LRPPRC: variants seen among roughly 807,000 people sequenced by gnomAD.
LRPPRC encodes the protein leucine rich pentatricopeptide repeat containing, also known as leucine-rich PPR motif-containing protein, mitochondrial.
Under a neutral mutation model 180.3 loss-of-function variants are expected in LRPPRC, and 120 were observed. That is an observed-to-expected ratio of 0.67 (90% confidence interval 0.57 to 0.77). The LOEUF (loss-of-function observed/expected upper bound fraction) is 0.77, where lower values mean the gene tolerates loss of function less well. LRPPRC is among the 30% of genes least tolerant of loss of function. The pLI is 0.00. For missense variants in LRPPRC, 2,012 were observed against 1,657.2 expected, an observed-to-expected ratio of 1.21 and a Z score of -3.72; for synonymous variants, 723 against 600.0, an observed-to-expected ratio of 1.21 and a Z score of -3.00.
At chr2:43,990,284 T>C (rs986910429) in intron 1 of LRPPRC, among the ~76,000 whole-genome samples, 3 of 152,158 alleles carry the variant, frequency 2.0e-5, no homozygotes, top group Non-Finnish European at 2.9e-5. Flanking sequence ...TCCCCAAATC[T>C]ACTTTTCTTA....
chr2:43,927,432 C>A (rs1371063471), intron 25 of LRPPRC, among the ~76,000 whole-genome samples: 1 of 152,206 alleles, frequency 6.6e-6, no homozygotes, highest in East Asian at 1.9e-4. Flanking sequence ...TTTTGGGATA[C>A]AAGAAATCAA....
intron 29 of LRPPRC, among the ~76,000 whole-genome samples, chr2:43,917,104 G>A (rs1176242636): frequency 1.0e-4 from 15 of 144,678 alleles, no homozygotes; most frequent in African/African-American, 1.5e-4. Flanking sequence ...GCAGTGGTGC[G>A]ATCTCGGCTC....
chr2:43,894,905 C>T (rs966372272), intron 35 of LRPPRC, among the ~76,000 whole-genome samples: 32 of 152,128 alleles, frequency 2.1e-4, no homozygotes, highest in African/African-American at 7.5e-4. Context: ...CTTCTTTTGT[C>T]AAGTGGTGAC....
At chr2:43,961,293 G>C (rs1346685616) in intron 12 of LRPPRC, among the ~76,000 whole-genome samples, 5 of 152,134 alleles carry the variant, frequency 3.3e-5, no homozygotes, top group Non-Finnish European at 5.9e-5. Context: ...TCTCTAGTAA[G>C]CCAGAAACAG....
intron 1 of LRPPRC, among the ~76,000 whole-genome samples, chr2:43,992,076 T>C (rs1035428838): frequency 2.6e-5 from 4 of 152,080 alleles, no homozygotes; most frequent in African/African-American, 9.7e-5. Context: ...AGAGTGTTGG[T>C]GAGTGCACGT....
chr2:43,965,877 G>A (rs895780452), intron 11 of LRPPRC, among the ~76,000 whole-genome samples: 3 of 152,160 alleles, frequency 2.0e-5, no homozygotes, highest in African/African-American at 7.2e-5. Flanking sequence ...ACAGTGGTGA[G>A]GATGGAGAGA....
At chr2:43,958,186 A>T (rs1190418671) in intron 13 of LRPPRC, among the ~76,000 whole-genome samples, 3 of 152,220 alleles carry the variant, frequency 2.0e-5, no homozygotes, top group Non-Finnish European at 4.4e-5. Context: ...ATGAGATCAC[A>T]GTAGGCATTC....
At chr2:43,905,959 T>G (rs568609997) in intron 30 of LRPPRC, among the ~76,000 whole-genome samples, 179 bp from the exon 31 acceptor site, 1 of 152,220 alleles carries the variant, frequency 6.6e-6, no homozygotes, top group Non-Finnish European at 1.5e-5. Flanking sequence ...AAGGATAATT[T>G]TTTTTTGCAT....
intron 1 of LRPPRC, among the ~76,000 whole-genome samples, chr2:43,991,528 T>C (rs1341528470): frequency 6.6e-6 from 1 of 152,180 alleles, no homozygotes; most frequent in East Asian, 1.9e-4. Context: ...CTCTGAAGTA[T>C]ACAAGTATTA....
chr2:43,913,569 A>G (rs972096790), intron 29 of LRPPRC, among the ~76,000 whole-genome samples: 3 of 152,182 alleles, frequency 2.0e-5, no homozygotes, highest in Non-Finnish European at 2.9e-5. Context: ...ATTAAACTTA[A>G]GTGGCACTGT....
rs115771517 is a variant in LRPPRC at position 43,935,182 on chromosome 2, G to A, written c.2505-304C>T. 0.016 allele frequency among the ~76,000 whole-genome samples: 2,369 copies of A among 152,266 alleles called. 33 individuals carry two copies. The highest frequency in any genetic ancestry group is 0.027 in the Middle Eastern group (8 of 294). The stretch of plus-strand genomic sequence containing the variant: ...GATTAAGGCATTCTCTGATTTTACT[G>A]TAAATTCTGACTTTATGTAGAAAGT... On this transcript the variant is annotated intron_variant, in intron 23 of 37. Transcript: ENST00000260665.
chr2:43,987,220 C>G (rs1480251867), intron 1 of LRPPRC, among the ~76,000 whole-genome samples: 1 of 152,126 alleles, frequency 6.6e-6, no homozygotes, highest in East Asian at 1.9e-4. Context: ...ATGAGCCGGA[C>G]GCGGTGGCTC....
intron 36 of LRPPRC, among the ~76,000 whole-genome samples, chr2:43,893,534 A>C (rs1482818430): frequency 6.6e-6 from 1 of 152,228 alleles, no homozygotes; most frequent in Non-Finnish European, 1.5e-5. Context: ...ATGATCGTTA[A>C]CTATTTTTAG....
intron 27 of LRPPRC, among the ~76,000 whole-genome samples, chr2:43,919,961 A>C (rs1238550072): frequency 6.6e-6 from 1 of 151,860 alleles, no homozygotes; most frequent in Non-Finnish European, 1.5e-5. Context: ...GGATTTTCCT[A>C]GATTATTCTC....
At chr2:43,957,345 T>TC in intron 14 of LRPPRC, 40 bp downstream of exon 14, 1 of 1,387,138 alleles carries the variant, frequency 7.2e-7, no homozygotes, top group Admixed American at 1.7e-5. Flanking sequence ...GAGAAATCAG[T>TC]CCATGTTCAG....
intron 22 of LRPPRC, among the ~76,000 whole-genome samples, chr2:43,944,673 C>A (rs1055994560): frequency 5.3e-5 from 8 of 151,554 alleles, no homozygotes; most frequent in African/African-American, 1.7e-4. Context: ...AAGAGGAAGG[C>A]TAAAAAGGAA....
At chr2:43,988,792 C>T (rs1270667135) in intron 1 of LRPPRC, among the ~76,000 whole-genome samples, 1 of 152,094 alleles carries the variant, frequency 6.6e-6, no homozygotes, top group Non-Finnish European at 1.5e-5. Context: ...ATCCGCCCGC[C>T]TGAGCCTCCC....
chr2:43,988,679 C>T (rs911933480), intron 1 of LRPPRC, among the ~76,000 whole-genome samples: 9 of 152,116 alleles, frequency 5.9e-5, no homozygotes, highest in African/African-American at 1.7e-4. Context: ...GCTGGGACTA[C>T]AGGCACCCGC....
chr2:43,911,655 T>A (rs1008985461), intron 30 of LRPPRC, among the ~76,000 whole-genome samples: 1 of 151,376 alleles, frequency 6.6e-6, no homozygotes, highest in Non-Finnish European at 1.5e-5. Flanking sequence ...GCCTTTTGAG[T>A]AGCTGGGATT....
Sources: allele counts gnomAD v4.1 joint callset (sites outside exome capture counted in the v4.1 genomes callset), GRCh38; gene constraint gnomAD v4.1.1; transcripts MANE v1.5; gene names NCBI Gene and HGNC (gene_info 2026-07-23, HGNC 2026-07-21).